STIM2: variants seen among roughly 807,000 people sequenced by gnomAD.
The protein encoded by STIM2 is stromal interaction molecule 2.
STIM2 carries 31 observed loss-of-function variants against 85.8 expected under a neutral mutation model. The observed-to-expected ratio is 0.36, with a 90% CI of 0.27 to 0.49. STIM2 has a LOEUF of 0.49. Ranked by LOEUF, STIM2 falls within the 20% of genes least tolerant of loss-of-function variation. The pLI, the probability that STIM2 is intolerant of heterozygous loss-of-function variation, is 0.98. For synonymous variants in STIM2, 356 were observed against 331.1 expected (o/e 1.08, Z -0.82); for missense variants, 841 against 927.6 (o/e 0.91, Z 1.21).
chr4:26,934,929 A>G (rs865986132), intron 2 of STIM2, among the ~76,000 whole-genome samples: 1 of 151,642 alleles, frequency 6.6e-6, no homozygotes, highest in South Asian at 2.1e-4. Flanking sequence ...AAAAAAAAAA[A>G]AAAAAAAGAA....
intron 4 of STIM2, among the ~76,000 whole-genome samples, chr4:26,997,737 G>A (rs901103372): frequency 6.6e-5 from 10 of 152,160 alleles, no homozygotes; most frequent in Non-Finnish European, 1.0e-4. Flanking sequence ...ACAGAGATAC[G>A]ACATAGTCTT....
chr4:26,963,561 A>G (rs1726566072), intron 3 of STIM2, among the ~76,000 whole-genome samples: 1 of 152,226 alleles, frequency 6.6e-6, no homozygotes. Flanking sequence ...AAAATAAGGA[A>G]GTATGAGAGA....
chr4:26,921,391 A>G (rs1048605459), intron 2 of STIM2, among the ~76,000 whole-genome samples: 12 of 152,238 alleles, frequency 7.9e-5, no homozygotes, highest in Non-Finnish European at 1.5e-4. Context: ...TGGCAGTACT[A>G]TAATGAATGG....
intron 1 of STIM2, among the ~76,000 whole-genome samples, chr4:26,917,241 T>C (rs1724617550): frequency 6.6e-6 from 1 of 152,218 alleles, no homozygotes; most frequent in South Asian, 2.1e-4. Flanking sequence ...TGACATTTCA[T>C]ATCTGCTTTT....
intron 1 of STIM2, chr4:26,874,381 G>T: frequency 4.1e-6 from 1 of 244,916 alleles, no homozygotes; most frequent in South Asian, 5.4e-5. Context: ...CTGACCACTA[G>T]GGCCCAGCAC....
intron 1 of STIM2, among the ~76,000 whole-genome samples, chr4:26,892,153 T>C (rs1723514558): frequency 6.6e-6 from 1 of 152,264 alleles, no homozygotes. Flanking sequence ...AGTAAACCTC[T>C]TTCTTTTGTA....
intron 2 of STIM2, among the ~76,000 whole-genome samples, chr4:26,929,576 CT>C (rs1725124167): frequency 6.6e-6 from 1 of 151,274 alleles, no homozygotes; most frequent in African/African-American, 2.4e-5. Flanking sequence ...TGTTGCTTTT[CT>C]AAAAAAAATT....
intron 3 of STIM2, among the ~76,000 whole-genome samples, chr4:26,962,105 A>C (rs902715525): frequency 1.3e-5 from 2 of 152,162 alleles, no homozygotes; most frequent in Non-Finnish European, 2.9e-5. Context: ...GCGGCATGCT[A>C]TAGAAAGTAT....
intron 4 of STIM2, among the ~76,000 whole-genome samples, chr4:26,996,883 T>C (rs1727977585): frequency 1.3e-5 from 2 of 152,114 alleles, no homozygotes; most frequent in Non-Finnish European, 2.9e-5. Context: ...TAGGCTAATC[T>C]GAGTTTTGAC....
chr4:26,935,362 G>A (rs541867752), intron 2 of STIM2, among the ~76,000 whole-genome samples: 7 of 152,152 alleles, frequency 4.6e-5, no homozygotes, highest in Admixed American at 2.0e-4. Context: ...TATTCAAAAT[G>A]AGATAGGCAC....
intron 1 of STIM2, among the ~76,000 whole-genome samples, chr4:26,863,275 C>T (rs900010877): frequency 6.6e-6 from 1 of 152,052 alleles, no homozygotes; most frequent in Non-Finnish European, 1.5e-5. Context: ...TAGAAGAATA[C>T]CCTGGAATTA....
intron 1 of STIM2, among the ~76,000 whole-genome samples, chr4:26,918,624 T>C (rs1488674252): frequency 6.6e-6 from 1 of 152,176 alleles, no homozygotes; most frequent in East Asian, 1.9e-4. Context: ...AGTAAGTTCC[T>C]AGAATTTTGT....
At chr4:26,867,916 A>G (rs972717330) in intron 1 of STIM2, among the ~76,000 whole-genome samples, 3 of 152,164 alleles carry the variant, frequency 2.0e-5, no homozygotes, top group African/African-American at 4.8e-5. Context: ...TCCTCAGAGA[A>G]CTTCATTACT....
At chr4:26,869,435 G>C (rs549982208) in intron 1 of STIM2, among the ~76,000 whole-genome samples, 2 of 152,228 alleles carry the variant, frequency 1.3e-5, no homozygotes, top group East Asian at 3.9e-4. Context: ...TGTGCATAGA[G>C]TTTTAAACAT....
chr4:26,892,381 G>T (rs1723526053), intron 1 of STIM2, among the ~76,000 whole-genome samples: 1 of 152,122 alleles, frequency 6.6e-6, no homozygotes, highest in African/African-American at 2.4e-5. Flanking sequence ...TTCATGTGGT[G>T]GACAGCAGAG....
At chr4:26,888,305 A>G (rs1458095841) in intron 1 of STIM2, among the ~76,000 whole-genome samples, 1 of 152,212 alleles carries the variant, frequency 6.6e-6, no homozygotes, top group African/African-American at 2.4e-5. Context: ...ATATCCTTCA[A>G]ACAACTGAAA....
At chr4:26,873,773 A>T in intron 1 of STIM2, 4 of 862,752 alleles carry the variant, frequency 4.6e-6, no homozygotes, top group Non-Finnish European at 7.8e-6. Flanking sequence ...TCACTGGGAG[A>T]GCAGAGGGGC....
intron 3 of STIM2, among the ~76,000 whole-genome samples, chr4:26,963,903 T>C (rs1463228506): frequency 6.6e-6 from 1 of 152,210 alleles, no homozygotes; most frequent in African/African-American, 2.4e-5. Flanking sequence ...ATAAACACTT[T>C]AAAAATTTTG....
At chr4:26,903,100 C>A (rs993640726) in intron 1 of STIM2, among the ~76,000 whole-genome samples, 1 of 151,966 alleles carries the variant, frequency 6.6e-6, no homozygotes, top group Non-Finnish European at 1.5e-5. Flanking sequence ...GAGAGTTCTA[C>A]GAAATAGTAA....
Sources: allele counts gnomAD v4.1 joint callset (sites outside exome capture counted in the v4.1 genomes callset), GRCh38; gene constraint gnomAD v4.1.1; transcripts MANE v1.5; gene names NCBI Gene and HGNC (gene_info 2026-07-23, HGNC 2026-07-21).